Variants in ZFPM2 observed in about 807,000 individuals in gnomAD.
ZFPM2 encodes zinc finger protein, FOG family member 2.
ZFPM2 carries 20 observed loss-of-function variants against 98.6 expected under a neutral mutation model. That is an observed-to-expected ratio of 0.20 (90% CI 0.14 to 0.29). The LOEUF is 0.29. Ranked by LOEUF, ZFPM2 falls within the 10% of genes least tolerant of loss-of-function variation. The probability of loss-of-function intolerance (pLI) is 1.00; values close to 1 mark genes in which losing one functional copy is unlikely to be tolerated. For missense variants in ZFPM2, 1,310 were observed against 1,388.6 expected, an observed-to-expected ratio of 0.94 and a Z score of 0.90; for synonymous variants, 518 against 502.7, an observed-to-expected ratio of 1.03 and a Z score of -0.41.
chr8:105,368,737 T>C (rs1455076826), intron 1 of ZFPM2, among the ~76,000 whole-genome samples: 1 of 152,090 alleles, frequency 6.6e-6, no homozygotes, highest in Non-Finnish European at 1.5e-5. Flanking sequence ...TGGTTTTTGC[T>C]CCCAGTATCC....
intron 1 of ZFPM2, among the ~76,000 whole-genome samples, chr8:105,337,218 A>G (rs1812344628): frequency 6.6e-6 from 1 of 151,742 alleles, no homozygotes; most frequent in Admixed American, 6.6e-5. Context: ...TTTGGCAGGG[A>G]CACCATGTTA....
intron 1 of ZFPM2, among the ~76,000 whole-genome samples, chr8:105,374,414 T>G (rs1810682166): frequency 6.6e-6 from 1 of 152,136 alleles, no homozygotes; most frequent in African/African-American, 2.4e-5. Context: ...GAATTTTTTT[T>G]TTTTTGAGAC....
intron 5 of ZFPM2, among the ~76,000 whole-genome samples, chr8:105,638,944 T>C (rs968882520): frequency 2.6e-5 from 4 of 152,124 alleles, no homozygotes; most frequent in African/African-American, 9.7e-5. Context: ...CTACCCCTTG[T>C]CATTCCAGAA....
chr8:105,687,809 G>A (rs181242361), intron 5 of ZFPM2, among the ~76,000 whole-genome samples: 36 of 152,130 alleles, frequency 2.4e-4, no homozygotes, highest in Non-Finnish European at 4.0e-4. Flanking sequence ...CATAAAGGAC[G>A]TGGCATGGGA....
At chr8:105,379,902 T>G (rs1447993290) in intron 1 of ZFPM2, among the ~76,000 whole-genome samples, 1 of 152,158 alleles carries the variant, frequency 6.6e-6, no homozygotes, top group Non-Finnish European at 1.5e-5. Context: ...ATGAGAAAAC[T>G]ATAGTCCTAT....
chr8:105,699,760 T>C (rs1811098736), intron 5 of ZFPM2, among the ~76,000 whole-genome samples: 1 of 152,092 alleles, frequency 6.6e-6, no homozygotes, highest in Admixed American at 6.5e-5. Flanking sequence ...ATAATTAATT[T>C]GATTACATTG....
chr8:105,486,286 T>G (rs561256765), intron 3 of ZFPM2, among the ~76,000 whole-genome samples: 13 of 152,236 alleles, frequency 8.5e-5, no homozygotes, highest in South Asian at 8.3e-4. Flanking sequence ...ATATATGTAT[T>G]ATGAATGACT....
intron 1 of ZFPM2, among the ~76,000 whole-genome samples, chr8:105,411,780 A>G (rs1033295377): frequency 1.3e-5 from 2 of 151,838 alleles, no homozygotes; most frequent in African/African-American, 4.8e-5. Context: ...TCCTGGGTCA[A>G]TGCACAAGGC....
intron 3 of ZFPM2, among the ~76,000 whole-genome samples, chr8:105,526,400 C>G (rs942439512): frequency 6.6e-6 from 1 of 152,032 alleles, no homozygotes; most frequent in Admixed American, 6.6e-5. Context: ...GAAGAAAATG[C>G]AAGAAGAATG....
intron 5 of ZFPM2, among the ~76,000 whole-genome samples, chr8:105,758,425 A>G (rs1028070514): frequency 1.3e-5 from 2 of 152,128 alleles, no homozygotes; most frequent in African/African-American, 4.8e-5. Flanking sequence ...TATACCTATC[A>G]TCTATAGTTG....
chr8:105,801,432 G>A lies in ZFPM2; in HGVS notation c.1350G>A (p.Thr450=), dbSNP rs951468447. ...KCEKKTQLFL[T]NQRPEIQPTT... ...AGAAAAAGACTCAGCTCTTTCTCAC[G>A]AACCAGAGACCAGAGATACAGCCTA... Residue 450 remains threonine (T), a synonymous_variant, in exon 8 of 8, where the codon ACG becomes ACA. Transcript: ENST00000407775. 7.4e-6 allele frequency: 12 copies of A among 1,613,716 alleles called. No individual in the cohort carries two copies. Among genetic ancestry groups the A allele is most frequent in the African/African-American group, 6.7e-5 (5 of 74,898 alleles).
chr8:105,691,282 C>T (rs1374470798), intron 5 of ZFPM2, among the ~76,000 whole-genome samples: 1 of 124,920 alleles, frequency 8.0e-6, no homozygotes, highest in Admixed American at 8.5e-5. Flanking sequence ...CGCTCTGTCG[C>T]CCAGGCCGGA....
At chr8:105,609,817 A>G (rs1816271236) in intron 4 of ZFPM2, among the ~76,000 whole-genome samples, 1 of 152,210 alleles carries the variant, frequency 6.6e-6, no homozygotes, top group South Asian at 2.1e-4. Flanking sequence ...TTCCTGAGTG[A>G]AAAGAAAATA....
rs566946514 is a variant in ZFPM2 at position 105,792,862 on chromosome 8, T to A, written c.739+3938T>A. On this transcript the variant is annotated intron_variant, in intron 6 of 7. Transcript: ENST00000407775. ...TAATGGCCTTCTTTGTCTCTTTTGA[T>A]CTTTGTTGGTTTAAAGTCTGTTTTA... Among the ~76,000 whole-genome samples, 328 of 152,336 alleles carry A rather than the reference T, an allele frequency of 2.2e-3. 1 individual carries two copies. Among genetic ancestry groups the A allele is most frequent in the African/African-American group, 7.2e-3 (300 of 41,576 alleles).
intron 5 of ZFPM2, among the ~76,000 whole-genome samples, chr8:105,686,839 TTTA>T (rs1180092722): frequency 6.6e-6 from 1 of 152,194 alleles, no homozygotes; most frequent in Non-Finnish European, 1.5e-5. Flanking sequence ...CCTTTTAGTT[TTTA>T]TTATTTCTTT....
chr8:105,323,564 A>G (rs1672770516), intron 1 of ZFPM2, among the ~76,000 whole-genome samples: 1 of 151,960 alleles, frequency 6.6e-6, no homozygotes, highest in African/African-American at 2.4e-5. Flanking sequence ...CTTGTAAGAT[A>G]GCATAAAAAT....
chr8:105,745,965 G>T (rs1243794253), intron 5 of ZFPM2, among the ~76,000 whole-genome samples: 6 of 151,904 alleles, frequency 3.9e-5, no homozygotes, highest in Non-Finnish European at 1.5e-5. Flanking sequence ...AGACAGTGTT[G>T]TTCACCATGT....
rs554965546 is a variant in ZFPM2 at position 105,538,478 on chromosome 8, T to C, written c.302-22885T>C. 1.5e-3 allele frequency among the ~76,000 whole-genome samples: 230 copies of C among 152,314 alleles called. 2 individuals carry two copies. The highest frequency in any genetic ancestry group is 2.4e-3 in the Non-Finnish European group (161 of 68,024). ...TCGTTACTATCTCTTTGAAAGTATC[T>C]CCTGTCGTTTAGGATAAACATCTTT... On this transcript the variant is annotated intron_variant, in intron 3 of 7. Transcript: ENST00000407775.
chr8:105,766,067 T>C (rs1563554644), intron 5 of ZFPM2, among the ~76,000 whole-genome samples: 1 of 151,928 alleles, frequency 6.6e-6, no homozygotes, highest in Non-Finnish European at 1.5e-5. Flanking sequence ...TTTATCTTTA[T>C]GGCCTTTATC....
Sources: allele counts gnomAD v4.1 joint callset (sites outside exome capture counted in the v4.1 genomes callset), GRCh38; gene constraint gnomAD v4.1.1; transcripts MANE v1.5; gene names NCBI Gene and HGNC (gene_info 2026-07-23, HGNC 2026-07-21).